LRP6: variants seen among roughly 807,000 people sequenced by gnomAD.
LRP6 encodes LDL receptor related protein 6.
A neutral mutation model predicts 184.1 loss-of-function variants in LRP6; 43 were observed. The ratio of observed to expected loss-of-function variants is 0.23; its 90% CI spans 0.18 to 0.30. The LOEUF (loss-of-function observed/expected upper bound fraction) is 0.30, where lower values mean the gene tolerates loss of function less well. Among genes scored for constraint, LRP6 ranks in the 10% least tolerant of loss-of-function variants. The pLI is 1.00. For missense variants in LRP6, 1,571 were observed against 2,005.3 expected (o/e 0.78, Z 4.14); for synonymous variants, 719 against 684.9 (o/e 1.05, Z -0.78).
chr12:12,265,444 C>A (rs893803868), intron 1 of LRP6, among the ~76,000 whole-genome samples: 1 of 152,188 alleles, frequency 6.6e-6, no homozygotes, highest in Non-Finnish European at 1.5e-5. Context: ...ATCCGAAATA[C>A]ATATACACAG....
intron 7 of LRP6, among the ~76,000 whole-genome samples, chr12:12,171,382 C>G (rs781279842): frequency 6.6e-6 from 1 of 151,858 alleles, no homozygotes; most frequent in Non-Finnish European, 1.5e-5. Context: ...ACTAGCCAGG[C>G]GTGGTGGCGG....
intron 2 of LRP6, among the ~76,000 whole-genome samples, chr12:12,204,501 T>C (rs1159402957): frequency 2.0e-5 from 3 of 152,114 alleles, no homozygotes; most frequent in African/African-American, 7.2e-5. Context: ...GTATTGTAGT[T>C]AGGATACAGA....
chr12:12,124,185 C>T (rs1949640413), intron 22 of LRP6, among the ~76,000 whole-genome samples: 1 of 152,046 alleles, frequency 6.6e-6, no homozygotes, highest in Admixed American at 6.6e-5. Flanking sequence ...ACCAGCCTGG[C>T]CAACATGGTG....
At chr12:12,148,475 A>C (rs1305683569) in intron 14 of LRP6, among the ~76,000 whole-genome samples, 4 of 152,234 alleles carry the variant, frequency 2.6e-5, no homozygotes, top group Admixed American at 1.3e-4. Flanking sequence ...GCTCTTTATT[A>C]AATGAAAGAA....
intron 1 of LRP6, chr12:12,249,358 T>C (rs2135927157): frequency 7.4e-6 from 8 of 1,087,818 alleles, no homozygotes; most frequent in Non-Finnish European, 8.5e-6. Context: ...TGCAAGAGCT[T>C]TGGCGCCTAA....
intron 9 of LRP6, among the ~76,000 whole-genome samples, chr12:12,163,032 G>C (rs1487216398): frequency 6.6e-6 from 1 of 152,150 alleles, no homozygotes; most frequent in Non-Finnish European, 1.5e-5. Context: ...CTGGAGTGCA[G>C]TGGCATGATC....
chr12:12,173,181 C>T (rs1806135843), intron 7 of LRP6, among the ~76,000 whole-genome samples: 2 of 152,062 alleles, frequency 1.3e-5, no homozygotes, highest in Non-Finnish European at 2.9e-5. Flanking sequence ...ATCATGATGA[C>T]GAATGTCAAC....
rs1022978907 is a variant in LRP6, at chr12:12,119,884, C to T, written c.*1242G>A. ...CTAAAGAACATGAAAACATCACAAA[C>T]TGTTAATATAGGGAAAATCCTAATA... On this transcript the variant is annotated 3_prime_UTR_variant, in exon 23 of 23. Transcript: ENST00000261349. The T allele has an allele frequency of 4.0e-5, 6 of 150,034 alleles. No homozygotes were observed. Among genetic ancestry groups the T allele is most frequent in the Admixed American group, 6.6e-5 (1 of 15,054 alleles). The allele number at this position is 150,034 out of a possible 1,614,324, so 9.3% of individuals were successfully genotyped here. A position where few individuals can be genotyped will look rare whatever the true frequency, so the allele number is the denominator to read the frequency against.
chr12:12,148,879 GA>G, intron 14 of LRP6, 62 bp downstream of exon 14: 1 of 1,184,688 alleles, frequency 8.4e-7, no homozygotes, highest in Non-Finnish European at 1.3e-6. Flanking sequence ...ATAACAGGCT[GA>G]AAAAGAAGGG....
chr12:12,171,227 C>T (rs138563842), intron 7 of LRP6, among the ~76,000 whole-genome samples: 1 of 152,174 alleles, frequency 6.6e-6, no homozygotes, highest in African/African-American at 2.4e-5. Context: ...TTAATAAATG[C>T]TATTATTGGC....
chr12:12,147,352 T>C lies in LRP6; in HGVS notation c.3397+14A>G. On this transcript the variant is annotated intron_variant, in intron 15 of 22. Coordinates refer to ENST00000261349, the MANE Select transcript of LRP6 (RefSeq NM_002336.3). ...AAACTCAAATTAAAATAAGGAAACA[T>C]ATTTCTTGGGTACCTGAGAGATCAC... 1.9e-6 allele frequency: 3 copies of C among 1,613,398 alleles called. No individual in the cohort carries two copies. The highest frequency in any genetic ancestry group is 2.5e-6 in the Non-Finnish European group (3 of 1,179,406).
In LRP6 at chr12:12,119,637, C is replaced by T. The variant is rs1439985190; in HGVS notation, c.*1489G>A. 2.5e-4 allele frequency: 38 copies of T among 152,126 alleles called. No homozygotes were observed. The highest frequency in any genetic ancestry group is 2.5e-3 in the Admixed American group (38 of 15,270). The allele number at this position is 152,126 out of a possible 1,614,324, so 9.4% of individuals were successfully genotyped here. ...CAAATTCTGACAGCTGAGAAGTTAACAGTTTGCCTTCTCATTTAATCCTCA... is the reference window on the plus strand; with the variant it reads ...CAAATTCTGACAGCTGAGAAGTTAATAGTTTGCCTTCTCATTTAATCCTCA... On this transcript the variant is annotated 3_prime_UTR_variant, in exon 23 of 23. Transcript: ENST00000261349.
At chr12:12,157,324 C>G (rs1046921127) in intron 12 of LRP6, among the ~76,000 whole-genome samples, 4 of 151,984 alleles carry the variant, frequency 2.6e-5, no homozygotes, top group African/African-American at 9.7e-5. Context: ...CTCTCTTCAA[C>G]ACACACGCTG....
chr12:12,184,801 A>T lies in LRP6; in HGVS notation c.845-690T>A, dbSNP rs942541715. Among the ~76,000 whole-genome samples, 4 of 152,208 alleles carry T rather than the reference A, an allele frequency of 2.6e-5. No homozygotes were observed. The East Asian group carries it at 7.7e-4, about 29-fold the overall frequency. ...AACATAGAAGGGATAAGCAGAAAAA[A>T]GGGGAAAATGAAAATCAGAGAAAAC... On this transcript the variant is annotated intron_variant, in intron 4 of 22. Transcript: ENST00000261349.
Position 12,187,110 on chromosome 12 carries a change from C to T in LRP6, c.657G>A (p.Val219=). ...SNLDGTNRQA[V]VKGSLPHPFA... Reference sequence around the variant, plus strand: ...AAGGATGTGGAAGGGAACCTTTAACCACTGCCTGCCTATTAACATAAAGAG... The same window carrying T: ...AAGGATGTGGAAGGGAACCTTTAACTACTGCCTGCCTATTAACATAAAGAG... Residue 219 remains valine, a synonymous_variant, in exon 4 of 23, where the codon GTG becomes GTA. Transcript: ENST00000261349. 6.2e-7 allele frequency: 1 copy of T among 1,614,086 alleles called. No homozygotes were observed. Among genetic ancestry groups the T allele is most frequent in the Non-Finnish European group, 8.5e-7 (1 of 1,179,972 alleles).
At chr12:12,193,274 A>G (rs1863664199) in intron 3 of LRP6, among the ~76,000 whole-genome samples, 1 of 151,854 alleles carries the variant, frequency 6.6e-6, no homozygotes, top group Non-Finnish European at 1.5e-5. Context: ...AAGAAGAGAG[A>G]TTACAAATCA....
chr12:12,215,649 C>T (rs1760380970), intron 2 of LRP6, among the ~76,000 whole-genome samples: 1 of 150,474 alleles, frequency 6.6e-6, no homozygotes, highest in Non-Finnish European at 1.5e-5. Context: ...CCGTGCCTGG[C>T]CAAGGACTAA....
rs191051033 is a variant in LRP6 at position 12,262,994 on chromosome 12, C to T, written c.55+3687G>A. 2.3e-3 allele frequency among the ~76,000 whole-genome samples: 349 copies of T among 151,812 alleles called. 2 individuals are homozygous for T. The highest frequency in any genetic ancestry group is 8.1e-3 in the African/African-American group (337 of 41,358). On this transcript the variant is annotated intron_variant, in intron 1 of 22. Coordinates refer to ENST00000261349, the MANE Select transcript of LRP6 (RefSeq NM_002336.3). ...CTGGGCCAGGCGTGGTGGCTCACAC[C>T]TGTAATCCCAGCACTTTGGGAGGCC...
rs1309124257 is a variant in LRP6 at position 12,120,066 on chromosome 12, T to C, written c.*1060A>G. On this transcript the variant is annotated 3_prime_UTR_variant, in exon 23 of 23. Coordinates refer to ENST00000261349, the MANE Select transcript of LRP6 (RefSeq NM_002336.3). ...ATAAATGATTTCGTACTGTGATATA[T>C]GCTGAAAGTAGTGCAAGGATATGAG... 1 of 135,974 alleles carries C rather than the reference T, an allele frequency of 7.4e-6. No homozygotes were observed. The highest frequency in any genetic ancestry group is 1.6e-5 in the Non-Finnish European group (1 of 64,208). 8.4% of individuals were successfully genotyped at this position (135,974 alleles called of 1,614,324 possible).
Sources: allele counts gnomAD v4.1 joint callset (sites outside exome capture counted in the v4.1 genomes callset), GRCh38; gene constraint gnomAD v4.1.1; transcripts MANE v1.5; gene names NCBI Gene and HGNC (gene_info 2026-07-23, HGNC 2026-07-21).